Variants in ZNF469 observed in about 807,000 individuals in gnomAD.
The protein encoded by ZNF469 is zinc finger protein 469.
A neutral mutation model predicts 1.0 loss-of-function variants in ZNF469; 1 was observed. The ratio of observed to expected loss-of-function variants is 1.00; its 90% CI spans 0.35 to 4.73. ZNF469 has a LOEUF of 4.73. Ranked by LOEUF, ZNF469 falls within the 30% of genes most tolerant of loss-of-function variation. The probability of loss-of-function intolerance (pLI) is 0.16; values close to 1 mark genes in which losing one functional copy is unlikely to be tolerated. For synonymous variants in ZNF469, 2,703 were observed against 2,363.4 expected, an observed-to-expected ratio of 1.14 and a Z score of -4.17; for missense variants, 6,100 against 5,356.3, an observed-to-expected ratio of 1.14 and a Z score of -4.33.
the ZNF469 span, among the ~76,000 whole-genome samples, chr16:88,148,904 A>G: frequency 1.3e-5 from 2 of 152,142 alleles, no homozygotes; most frequent in African/African-American, 4.8e-5. Flanking sequence ...CAGGGTCCTC[A>G]GGACTCAGAC....
At chr16:88,146,447 C>T in the ZNF469 span, among the ~76,000 whole-genome samples, 1 of 152,136 alleles carries the variant, frequency 6.6e-6, no homozygotes, top group Non-Finnish European at 1.5e-5. Context: ...CCCTGTGGAC[C>T]CGGGTCTCAC....
At chr16:88,348,475 T>A in the ZNF469 span, among the ~76,000 whole-genome samples, 2 of 152,198 alleles carry the variant, frequency 1.3e-5, no homozygotes, top group African/African-American at 4.8e-5. Flanking sequence ...GACATGGGCA[T>A]ATCCCTCAGG....
chr16:88,214,601 C>G, the ZNF469 span, among the ~76,000 whole-genome samples: 13 of 152,154 alleles, frequency 8.5e-5, no homozygotes, highest in East Asian at 2.5e-3. Context: ...GTTTGCTGCA[C>G]CCATCAACCC....
At chr16:88,324,879 T>C in the ZNF469 span, among the ~76,000 whole-genome samples, 1 of 152,142 alleles carries the variant, frequency 6.6e-6, no homozygotes, top group East Asian at 1.9e-4. Flanking sequence ...TACTGGGCAA[T>C]TTATAAAGAA....
chr16:88,411,363 G>A (rs1905155886), intron 1 of ZNF469, among the ~76,000 whole-genome samples: 1 of 152,046 alleles, frequency 6.6e-6, no homozygotes, highest in Non-Finnish European at 1.5e-5. Context: ...GGGTGGTCCA[G>A]GGGGAGTGGC....
In ZNF469 at chr16:88,434,951, A is replaced by G. The variant is rs1239029596; in HGVS notation, c.7481A>G (p.Lys2494Arg). ...GPGLSRHKAR[K>R]HRPHPGAPAE... Reference sequence around the variant, plus strand: ...GGCCTGAGCCGGCACAAGGCCAGGAAGCACCGGCCACACCCGGGAGCCCCC... The same window carrying G: ...GGCCTGAGCCGGCACAAGGCCAGGAGGCACCGGCCACACCCGGGAGCCCCC... The change falls in exon 3 of 3, where the codon AAG becomes AGG. Residue 2494 changes from lysine (K) to arginine (R), a missense_variant. Coordinates refer to ENST00000565624, the MANE Select transcript of ZNF469 (RefSeq NM_001367624.2). The G allele has an allele frequency of 3.2e-6, 5 of 1,549,944 alleles. No homozygotes were observed. In the Admixed American group the frequency reaches 9.8e-5, roughly 30 times the overall value.
chr16:88,393,993 C>T (rs369581814), intron 1 of ZNF469, among the ~76,000 whole-genome samples: 210 of 151,028 alleles, frequency 1.4e-3, no homozygotes, highest in African/African-American at 4.7e-3. Flanking sequence ...CTGTGCTATC[C>T]GAGAGGAGCG....
In ZNF469 at chr16:88,431,748, G is replaced by A. The variant is rs1694819977; in HGVS notation, c.4278G>A (p.Glu1426=). 15 of 1,549,988 alleles carry A rather than the reference G, an allele frequency of 9.7e-6. No individual in the cohort carries two copies. Among genetic ancestry groups the A allele is most frequent in the Non-Finnish European group, 1.3e-5 (15 of 1,146,946 alleles). The change falls in exon 3 of 3, where the codon GAG becomes GAA. Residue 1426 remains glutamate, a synonymous_variant. Transcript: ENST00000565624. The stretch of plus-strand genomic sequence containing the variant: ...ACGGCGAGGATGCCGGTTCCCTCGA[G>A]CCACAGCTGCCAAGGAGCCCACCTG... The part of the protein sequence containing the change: ...CQDGEDAGSL[E]PQLPRSPPGT...
rs528985816 is a variant in ZNF469, at chr16:88,432,802, C to T, written c.5332C>T (p.Pro1778Ser). 2 of 1,550,364 alleles carry T rather than the reference C, an allele frequency of 1.3e-6. No homozygotes were observed. Among genetic ancestry groups the T allele is most frequent in the Non-Finnish European group, 1.7e-6 (2 of 1,146,992 alleles). ...CTGTGAACAGAGAGGAGGGTTCCTCCCAGAGCCCGGCACAGCAGACCAGCC... is the reference window on the plus strand; with the variant it reads ...CTGTGAACAGAGAGGAGGGTTCCTCTCAGAGCCCGGCACAGCAGACCAGCC... Reference protein sequence around the residue: ...LPCEQRGGFLPEPGTADQPHR... With the variant: ...LPCEQRGGFLSEPGTADQPHR... The change falls in exon 3 of 3, where the codon CCA becomes TCA. Residue 1778 changes from proline (P) to serine (S), a missense_variant. Coordinates refer to ENST00000565624, the MANE Select transcript of ZNF469 (RefSeq NM_001367624.2).
At chr16:88,199,816 A>G in the ZNF469 span, among the ~76,000 whole-genome samples, 16 of 152,192 alleles carry the variant, frequency 1.1e-4, no homozygotes, top group South Asian at 4.1e-4. Context: ...CCTGGGAGTC[A>G]GGATGGGGGC....
the ZNF469 span, among the ~76,000 whole-genome samples, chr16:88,187,564 G>A: frequency 1.3e-5 from 2 of 150,866 alleles, no homozygotes; most frequent in South Asian, 2.1e-4. Context: ...CCCCACAGAG[G>A]GTATTTAGGT....
the ZNF469 span, among the ~76,000 whole-genome samples, chr16:88,268,232 C>G: frequency 6.6e-6 from 1 of 152,040 alleles, no homozygotes; most frequent in Non-Finnish European, 1.5e-5. Flanking sequence ...GTTCCCATGC[C>G]CCGTTGTCAG....
chr16:88,417,100 AC>A lies in ZNF469; in HGVS notation c.-191-7706del, dbSNP rs1356389922. On this transcript the variant is annotated intron_variant, in intron 1 of 2. Coordinates refer to ENST00000565624, the MANE Select transcript of ZNF469 (RefSeq NM_001367624.2). ...CCCTTTTCCAGAGCTGCTGCTTGGC[AC>A]ATGGAGGACTGTTTGTCTGCTGGGC... Among the ~76,000 whole-genome samples the A allele has an allele frequency of 2.6e-5, 4 of 152,320 alleles. No individual in the cohort carries two copies. The East Asian group carries it at 7.7e-4, about 29-fold the overall frequency.
At chr16:88,329,701 A>G in the ZNF469 span, among the ~76,000 whole-genome samples, 3 of 152,258 alleles carry the variant, frequency 2.0e-5, no homozygotes, top group African/African-American at 7.2e-5. Context: ...TTAGTCTTTC[A>G]GCTGTTCCAG....
the ZNF469 span, among the ~76,000 whole-genome samples, chr16:88,247,015 A>ATGAGTGAGTGAATGAG: frequency 6.7e-6 from 1 of 148,966 alleles, no homozygotes; most frequent in Non-Finnish European, 1.5e-5. Context: ...GAGTGAATCA[A>ATGAGTGAGTGAATGAG]TGAGTGAGTG....
At chr16:88,137,634 C>T in the ZNF469 span, among the ~76,000 whole-genome samples, 1 of 151,308 alleles carries the variant, frequency 6.6e-6, no homozygotes, top group Non-Finnish European at 1.5e-5. Context: ...ACGGTGTGTG[C>T]ACAGCTATGT....
In ZNF469 at chr16:88,428,395, C is replaced by T. The variant is rs1396030008; in HGVS notation, c.925C>T (p.Pro309Ser). Residue 309 changes from proline to serine, a missense_variant, in exon 3 of 3, where the codon CCC becomes TCC. Coordinates refer to ENST00000565624, the MANE Select transcript of ZNF469 (RefSeq NM_001367624.2). ...NGPLVFAFHQ[P>S]QGAWPEEAVG... is the part of the protein sequence containing the mutation. ...GCCACTGGTGTTTGCCTTCCATCAG[C>T]CCCAGGGAGCGTGGCCGGAGGAGGC... The T allele has an allele frequency of 6.5e-7, 1 of 1,548,436 alleles. No homozygotes were observed. Among genetic ancestry groups the T allele is most frequent in the South Asian group, 1.2e-5 (1 of 84,066 alleles).
chr16:88,169,823 T>C, the ZNF469 span, among the ~76,000 whole-genome samples: 3 of 152,310 alleles, frequency 2.0e-5, no homozygotes, highest in South Asian at 6.2e-4. This position sits in a 1 kb window ranked among gnomAD's most constrained non-coding sequence, Gnocchi z 6.1. Context: ...CAGCGGTGCA[T>C]GAGGGTTCCT....
the ZNF469 span, among the ~76,000 whole-genome samples, chr16:88,200,383 C>T: frequency 3.3e-5 from 5 of 152,324 alleles, no homozygotes; most frequent in East Asian, 1.9e-4. Flanking sequence ...AGAAACCACA[C>T]GCTCCAATGC....
Sources: gnomAD v4.1 joint callset for allele counts (sites outside exome capture counted in the v4.1 genomes callset) on GRCh38, gnomAD v4.1.1 for gene constraint, Gnocchi (gnomAD v3.1) non-coding constraint, MANE v1.5 for transcripts, NCBI Gene and HGNC (gene_info 2026-07-23, HGNC 2026-07-21) for gene names.